Variants in ANO4 observed in about 807,000 individuals in gnomAD.
ANO4 encodes anoctamin 4, also known as anoctamin-4.
A neutral mutation model predicts 141.9 loss-of-function variants in ANO4; 69 were observed. The ratio of observed to expected loss-of-function variants is 0.49; its 90% CI spans 0.40 to 0.59. The LOEUF (loss-of-function observed/expected upper bound fraction) is 0.59, where lower values mean the gene tolerates loss of function less well. ANO4 is among the 20% of genes least tolerant of loss of function. The probability of loss-of-function intolerance (pLI) is 0.00; values close to 1 mark genes in which losing one functional copy is unlikely to be tolerated. For synonymous variants in ANO4, 350 were observed against 394.3 expected, an observed-to-expected ratio of 0.89 and a Z score of 1.33; for missense variants, 894 against 1,162.2, an observed-to-expected ratio of 0.77 and a Z score of 3.36.
chr12:100,884,849 C>T (rs1423836287), intron 1 of ANO4, among the ~76,000 whole-genome samples: 2 of 152,246 alleles, frequency 1.3e-5, no homozygotes, highest in African/African-American at 4.8e-5. Flanking sequence ...CATGCGCAAC[C>T]ATGCCCAGCT....
intron 3 of ANO4, among the ~76,000 whole-genome samples, chr12:100,744,171 A>G (rs1162735119): frequency 1.3e-5 from 2 of 152,220 alleles, no homozygotes; most frequent in African/African-American, 4.8e-5. Context: ...ATCCCATACT[A>G]TCAAAACTTA....
intron 1 of ANO4, among the ~76,000 whole-genome samples, chr12:100,875,969 T>C (rs1470540522): frequency 6.6e-6 from 1 of 152,152 alleles, no homozygotes; most frequent in Non-Finnish European, 1.5e-5. Context: ...AAATCTTAAT[T>C]TTTAAACAAA....
Position 100,729,559 on chromosome 12 carries a change from G to A in ANO4, c.23-4215G>A, listed in dbSNP as rs796765754. On this transcript the variant is annotated intron_variant, in intron 1 of 29. Transcript: ENST00000644049. ...ATAGAGAAGAAATAATGTGTCCAGG[G>A]GTTGGAATAGACTGTTTAATCTGGA... Among the ~76,000 whole-genome samples, 16 of 152,018 alleles carry A rather than the reference G, an allele frequency of 1.1e-4. 1 individual carries two copies. The highest frequency in any genetic ancestry group is 3.9e-4 in the African/African-American group (16 of 41,484).
intron 8 of ANO4, among the ~76,000 whole-genome samples, chr12:101,013,321 G>T (rs966064547): frequency 6.6e-6 from 1 of 151,684 alleles, no homozygotes; most frequent in Non-Finnish European, 1.5e-5. Flanking sequence ...CTCACTTTGT[G>T]ACTATCTAAC....
intron 5 of ANO4, among the ~76,000 whole-genome samples, chr12:100,970,627 T>C (rs1475013993): frequency 1.3e-5 from 2 of 150,766 alleles, no homozygotes; most frequent in Admixed American, 6.6e-5. Context: ...ATTATCTGAG[T>C]CTTCCCTCCC....
In ANO4 at chr12:100,751,245, A is replaced by C. The variant is rs573068761; in HGVS notation, c.358+11140A>C. 7.9e-5 allele frequency among the ~76,000 whole-genome samples: 12 copies of C among 152,230 alleles called. No individual in the cohort carries two copies. In the East Asian group the frequency reaches 1.7e-3, roughly 22 times the overall value. On this transcript the variant is annotated intron_variant, in intron 3 of 29. Coordinates refer to the ANO4 transcript ENST00000644049. ...AGCATCCATGACATCAGCTGATGGA[A>C]GTGAAGTGTTTAGAAAGATCTACGC... is the stretch of plus-strand genomic sequence containing the variant.
rs559955227 is a variant in ANO4 at position 100,810,084 on chromosome 12, A to G, written c.-141+15057A>G. Reference sequence around the variant, plus strand: ...GCCTGATAAGGTGATATGTAAGTTGATATGTTAAGCAGTGGTATATGATGA... The same window carrying G: ...GCCTGATAAGGTGATATGTAAGTTGGTATGTTAAGCAGTGGTATATGATGA... On this transcript the variant is annotated intron_variant, in intron 1 of 27. Transcript: ENST00000392977. Among the ~76,000 whole-genome samples the G allele has an allele frequency of 1.1e-4, 17 of 152,202 alleles. No individual in the cohort carries two copies. The South Asian group carries it at 3.3e-3, about 30-fold the overall frequency.
intron 4 of ANO4, among the ~76,000 whole-genome samples, chr12:100,941,177 A>G (rs1026471279): frequency 1.3e-5 from 2 of 152,002 alleles, no homozygotes; most frequent in African/African-American, 4.8e-5. Flanking sequence ...ATGTTTACAT[A>G]TATGCACACA....
chr12:100,983,218 C>G (rs1239379216), intron 7 of ANO4, among the ~76,000 whole-genome samples: 2 of 152,154 alleles, frequency 1.3e-5, no homozygotes, highest in Non-Finnish European at 2.9e-5. Context: ...GTGAGAACAG[C>G]ATGTGGAATG....
chr12:100,945,328 A>G (rs2136187977), intron 5 of ANO4, among the ~76,000 whole-genome samples: 1 of 152,306 alleles, frequency 6.6e-6, no homozygotes, highest in Middle Eastern at 3.4e-3. Flanking sequence ...CTTTCTTAAA[A>G]CCTTTGCTCC....
chr12:100,791,901 T>C (rs764900538), upstream of ANO4, among the ~76,000 whole-genome samples: 2 of 152,238 alleles, frequency 1.3e-5, no homozygotes, highest in African/African-American at 2.4e-5. Flanking sequence ...TTAGTTATTT[T>C]AGACACTGGC....
intron 1 of ANO4, among the ~76,000 whole-genome samples, chr12:100,857,362 GATA>G (rs2038229829): frequency 6.6e-6 from 1 of 152,140 alleles, no homozygotes; most frequent in Non-Finnish European, 1.5e-5. Context: ...AACATTAGGT[GATA>G]ATAATAGCAA....
At chr12:100,800,135 T>C (rs2034592940) in intron 1 of ANO4, among the ~76,000 whole-genome samples, 1 of 152,244 alleles carries the variant, frequency 6.6e-6, no homozygotes. Context: ...CCTATAAACA[T>C]TTAAAGAATT....
chr12:100,890,977 A>G (rs2040077415), intron 1 of ANO4, among the ~76,000 whole-genome samples: 1 of 152,098 alleles, frequency 6.6e-6, no homozygotes, highest in African/African-American at 2.4e-5. Flanking sequence ...CGTGGCAACC[A>G]CTGATCTTTT....
In ANO4 at chr12:100,865,308, A is replaced by G. The variant is rs868403166; in HGVS notation, c.-140-36338A>G. The stretch of plus-strand genomic sequence containing the variant: ...ATGACAACAAAAGCCAAAGTTGACA[A>G]ATGGGATCTAATTAAACCAAAGAAC... On this transcript the variant is annotated intron_variant, in intron 1 of 27. Coordinates refer to ENST00000392977, the MANE Select transcript of ANO4 (RefSeq NM_001286615.2). 5.3e-5 allele frequency among the ~76,000 whole-genome samples: 8 copies of G among 152,182 alleles called. 1 individual carries two copies. Among genetic ancestry groups the G allele is most frequent in the East Asian group, 1.9e-4 (1 of 5,186 alleles).
At chr12:101,001,107 G>A (rs1029988199) in intron 8 of ANO4, among the ~76,000 whole-genome samples, 5 of 152,058 alleles carry the variant, frequency 3.3e-5, no homozygotes, top group East Asian at 1.9e-4. Context: ...TGTTAAGTTC[G>A]ATAGTCAAGA....
Position 100,729,360 on chromosome 12 carries a change from C to CAAAAAAAAAAAA in ANO4, c.23-4395_23-4384dup, listed in dbSNP as rs1156522144. 8.4e-4 allele frequency among the ~76,000 whole-genome samples: 19 copies of CAAAAAAAAAAAA among 22,576 alleles called. 4 individuals carry two copies. Among genetic ancestry groups the CAAAAAAAAAAAA allele is most frequent in the East Asian group, 4.3e-3 (2 of 462 alleles). 14.8% of individuals were successfully genotyped at this position (22,576 alleles called of 152,430 possible). On this transcript the variant is annotated intron_variant, in intron 1 of 29. Coordinates refer to the ANO4 transcript ENST00000644049. ...TAAAAGCAAGGGCAAAACTCTGTCT[C>CAAAAAAAAAAAA]AAAAAAAAAAAAAAAAAAAAAAAAA...
chr12:101,103,229 A>G (rs1303583283), intron 22 of ANO4, among the ~76,000 whole-genome samples: 10 of 104,726 alleles, frequency 9.5e-5, no homozygotes, highest in African/African-American at 2.9e-4. Context: ...ATATATATAT[A>G]TCTTTTTGTT....
Position 101,020,025 on chromosome 12 carries a change from T to C in ANO4, c.735-9T>C. 1.9e-6 allele frequency: 3 copies of C among 1,595,290 alleles called. No individual in the cohort carries two copies. On this transcript the variant is annotated splice_polypyrimidine_tract_variant and intron_variant, in intron 8 of 27. Coordinates refer to ENST00000392977, the MANE Select transcript of ANO4 (RefSeq NM_001286615.2). ...ATTCTCAACTTGTATTTTTAATATA[T>C]GTATGCAGCTTCATCATACACAACA...
Sources: gnomAD v4.1 joint callset for allele counts (sites outside exome capture counted in the v4.1 genomes callset) on GRCh38, gnomAD v4.1.1 for gene constraint, MANE v1.5 for transcripts, NCBI Gene and HGNC (gene_info 2026-07-23, HGNC 2026-07-21) for gene names.